CNTNAP2: variants seen among roughly 807,000 people sequenced by gnomAD.
The protein encoded by CNTNAP2 is contactin-associated protein-like 2.
A neutral mutation model predicts 155.2 loss-of-function variants in CNTNAP2; 98 were observed. That is an observed-to-expected ratio of 0.63 (90% CI 0.54 to 0.75). The LOEUF is 0.75. CNTNAP2 is among the 30% of genes least tolerant of loss of function. CNTNAP2 has a pLI of 0.00. For synonymous variants in CNTNAP2, 651 were observed against 631.2 expected, an observed-to-expected ratio of 1.03 and a Z score of -0.47; for missense variants, 1,727 against 1,688.1, an observed-to-expected ratio of 1.02 and a Z score of -0.40.
At chr7:146,285,308 G>A (rs576363445) in intron 1 of CNTNAP2, among the ~76,000 whole-genome samples, 1 of 152,016 alleles carries the variant, frequency 6.6e-6, no homozygotes, top group Admixed American at 6.5e-5. Flanking sequence ...AATTAACCTT[G>A]ACTATCATAA....
chr7:146,455,514 A>G (rs925290218), intron 1 of CNTNAP2, among the ~76,000 whole-genome samples: 24 of 152,312 alleles, frequency 1.6e-4, no homozygotes, highest in African/African-American at 5.5e-4. Flanking sequence ...AATGAGAATG[A>G]GGTCAGGCAT....
intron 1 of CNTNAP2, among the ~76,000 whole-genome samples, chr7:146,371,116 T>G (rs61159925): frequency 0.033 from 4,997 of 152,088 alleles, 286 homozygotes; most frequent in African/African-American, 0.12. Context: ...CATACCATAA[T>G]TATCATTATA....
intron 21 of CNTNAP2, among the ~76,000 whole-genome samples, chr7:148,356,870 T>C (rs532812217): frequency 1.1e-4 from 17 of 151,830 alleles, no homozygotes; most frequent in Middle Eastern, 3.4e-3. Flanking sequence ...GATCGAAAAT[T>C]TTATGTTGTT....
intron 11 of CNTNAP2, among the ~76,000 whole-genome samples, chr7:147,490,865 C>T (rs921940551): frequency 6.6e-6 from 1 of 152,056 alleles, no homozygotes; most frequent in Non-Finnish European, 1.5e-5. Flanking sequence ...GAAGCAAGGC[C>T]CTTCTTGACA....
chr7:148,217,480 G>A lies in CNTNAP2; in HGVS notation c.3203G>A (p.Ser1068Asn). 1 of 1,614,160 alleles carries A rather than the reference G, an allele frequency of 6.2e-7. No individual in the cohort carries two copies. Among genetic ancestry groups the A allele is most frequent in the Non-Finnish European group, 8.5e-7 (1 of 1,180,034 alleles). ...TKAPCILLYI[S>N]SFTTDFLAVL... is the part of the protein sequence containing the mutation. ...GCGCCCTGCATTCTCCTCTACATCAGCTCCTTCACCACAGACTTCTTGGCA... is the reference window on the plus strand; with the variant it reads ...GCGCCCTGCATTCTCCTCTACATCAACTCCTTCACCACAGACTTCTTGGCA... The change falls in exon 19 of 24, where the codon AGC becomes AAC. Residue 1068 changes from serine (S) to asparagine (N), a missense_variant. Transcript: ENST00000361727.
At position 146,801,974 on chromosome 7, in the gene CNTNAP2, T is replaced by C. The variant is rs117108954; in HGVS notation, c.208+27593T>C. On this transcript the variant is annotated intron_variant, in intron 2 of 23. Coordinates refer to ENST00000361727, the MANE Select transcript of CNTNAP2 (RefSeq NM_014141.6). ...GAAGGACTGTGGTGTTATTTACATCTATAGAAACATGATGGAAAACACATT... is the reference window on the plus strand; with the variant it reads ...GAAGGACTGTGGTGTTATTTACATCCATAGAAACATGATGGAAAACACATT... Among the ~76,000 whole-genome samples, 1,436 of 152,316 alleles carry C rather than the reference T, an allele frequency of 9.4e-3. 24 individuals carry two copies. Among genetic ancestry groups the C allele is most frequent in the Middle Eastern group, 0.014 (4 of 294 alleles).
chr7:146,232,670 C>A (rs1472612182), intron 1 of CNTNAP2, among the ~76,000 whole-genome samples: 1 of 152,112 alleles, frequency 6.6e-6, no homozygotes, highest in Non-Finnish European at 1.5e-5. Flanking sequence ...GAAAACTATT[C>A]TATCTCTCTA....
chr7:147,086,741 G>A (rs943011725), intron 4 of CNTNAP2, among the ~76,000 whole-genome samples: 15 of 152,098 alleles, frequency 9.9e-5, no homozygotes, highest in Admixed American at 3.3e-4. Flanking sequence ...TGGCCATACA[G>A]AAGATACATA....
chr7:146,332,751 A>C (rs1309772170), intron 1 of CNTNAP2, among the ~76,000 whole-genome samples: 1 of 152,178 alleles, frequency 6.6e-6, no homozygotes, highest in Non-Finnish European at 1.5e-5. Flanking sequence ...ATTATTTAAC[A>C]TGAAAATAAT....
At chr7:147,345,966 GCAAA>G (rs1401666507) in intron 9 of CNTNAP2, among the ~76,000 whole-genome samples, 3 of 151,898 alleles carry the variant, frequency 2.0e-5, no homozygotes, top group Non-Finnish European at 2.9e-5. Flanking sequence ...TTAATAGGCC[GCAAA>G]CAGTTAATAG....
intron 11 of CNTNAP2, among the ~76,000 whole-genome samples, chr7:147,488,399 A>G (rs1798547603): frequency 1.3e-5 from 2 of 152,194 alleles, no homozygotes; most frequent in South Asian, 4.1e-4. Context: ...GTATTCTACA[A>G]GCCAGTGAGC....
chr7:147,204,155 GATTA>G (rs1386573964), intron 8 of CNTNAP2, among the ~76,000 whole-genome samples: 1 of 151,738 alleles, frequency 6.6e-6, no homozygotes, highest in African/African-American at 2.4e-5. Flanking sequence ...GGATGATATA[GATTA>G]TTCTGAAAGA....
chr7:146,865,082 C>T (rs765571844), intron 3 of CNTNAP2, among the ~76,000 whole-genome samples: 3 of 149,648 alleles, frequency 2.0e-5, no homozygotes, highest in East Asian at 2.0e-4. Flanking sequence ...ATCAAATATT[C>T]GGAAAATGTA....
intron 6 of CNTNAP2, among the ~76,000 whole-genome samples, chr7:147,125,413 G>A (rs1208840116): frequency 2.0e-5 from 3 of 152,170 alleles, no homozygotes; most frequent in African/African-American, 7.2e-5. Context: ...CACCTGCAAT[G>A]AGGCTGCTAG....
At chr7:146,924,110 A>G (rs961811609) in intron 3 of CNTNAP2, among the ~76,000 whole-genome samples, 1 of 152,140 alleles carries the variant, frequency 6.6e-6, no homozygotes, top group South Asian at 2.1e-4. Context: ...ACTAAACTGA[A>G]CAATGACATC....
chr7:147,601,445 A>G (rs1051641187), intron 12 of CNTNAP2, among the ~76,000 whole-genome samples: 9 of 152,052 alleles, frequency 5.9e-5, no homozygotes. Flanking sequence ...ATGAGCTAGG[A>G]GAAGGAATTT....
At chr7:146,988,588 G>C (rs552676512) in intron 3 of CNTNAP2, among the ~76,000 whole-genome samples, 14 of 152,078 alleles carry the variant, frequency 9.2e-5, no homozygotes, top group Non-Finnish European at 2.1e-4. Context: ...TTCTTATCTT[G>C]TTGGAAGCTT....
intron 1 of CNTNAP2, among the ~76,000 whole-genome samples, chr7:146,268,576 C>A (rs545304416): frequency 2.0e-5 from 3 of 152,302 alleles, no homozygotes; most frequent in African/African-American, 7.2e-5. Flanking sequence ...TTGTTTACTT[C>A]TATCTGGATC....
chr7:147,876,330 G>A (rs910851706), intron 13 of CNTNAP2, among the ~76,000 whole-genome samples: 1 of 152,014 alleles, frequency 6.6e-6, no homozygotes, highest in Non-Finnish European at 1.5e-5. Context: ...GCTGCTGTGC[G>A]AAAAGTTTTG....
Sources: gnomAD v4.1 joint callset for allele counts (sites outside exome capture counted in the v4.1 genomes callset) on GRCh38, gnomAD v4.1.1 for gene constraint, MANE v1.5 for transcripts, NCBI Gene and HGNC (gene_info 2026-07-23, HGNC 2026-07-21) for gene names.